NSD3: variants seen among roughly 807,000 people sequenced by gnomAD.
The protein encoded by NSD3 is nuclear receptor binding SET domain protein 3, also known as histone-lysine N-methyltransferase NSD3.
NSD3 carries 24 observed loss-of-function variants against 160.8 expected under a neutral mutation model. The ratio of observed to expected loss-of-function variants is 0.15; its 90% confidence interval spans 0.11 to 0.21. NSD3 has a LOEUF of 0.21. NSD3 is among the 10% of genes least tolerant of loss of function. The probability of loss-of-function intolerance (pLI) is 1.00; values close to 1 mark genes in which losing one functional copy is unlikely to be tolerated. For synonymous variants in NSD3, 520 were observed against 600.0 expected (o/e 0.87, Z 1.95); for missense variants, 1,157 against 1,735.9 (o/e 0.67, Z 5.93).
chr8:38,307,647 T>C (rs1809441198), intron 12 of NSD3, among the ~76,000 whole-genome samples: 1 of 152,116 alleles, frequency 6.6e-6, no homozygotes, highest in African/African-American at 2.4e-5. Flanking sequence ...TGTATTGACA[T>C]AAGAAGAGCT....
chr8:38,330,518 G>C (rs955695757), intron 5 of NSD3, among the ~76,000 whole-genome samples: 5 of 152,182 alleles, frequency 3.3e-5, no homozygotes, highest in Non-Finnish European at 5.9e-5. Context: ...GGATTGGCAA[G>C]AGGGGTAAAA....
At position 38,329,628 on chromosome 8, in the gene NSD3, C is replaced by G. The variant is rs772178242; in HGVS notation, c.1331G>C (p.Ser444Thr). The G allele has an allele frequency of 2.5e-6, 4 of 1,614,222 alleles. No homozygotes were observed. The highest frequency in any genetic ancestry group is 3.4e-6 in the Non-Finnish European group (4 of 1,180,044). ...CTGGCTATGTCTCCGAATTTCAGTACTTGAGAGTGAGGAGGCCACCTCCCC... is the reference window on the plus strand; with the variant it reads ...CTGGCTATGTCTCCGAATTTCAGTAGTTGAGAGTGAGGAGGCCACCTCCCC... ...NAGEVASSLS[S>T]TEIRRHSQRR... The change falls in exon 6 of 24, where the codon AGT (serine) becomes ACT (threonine). Residue 444 changes from serine to threonine, a missense_variant. Ser to Thr is a moderately conservative substitution (Grantham distance 58). Around this residue, in one of 10 missense-constraint regions of NSD3, gnomAD observed 168 missense variants for 208.1 expected, o/e 0.81. Transcript: ENST00000317025. The surrounding 1 kb of genome is among the most constrained non-coding windows in gnomAD (Gnocchi z 4.8).
rs193179929 is a variant in NSD3 at position 38,308,983 on chromosome 8, C to G, written c.2243-3538G>C. Among the ~76,000 whole-genome samples, 6 of 151,990 alleles carry G rather than the reference C, an allele frequency of 3.9e-5. No individual in the cohort carries two copies. In the South Asian group the frequency reaches 6.2e-4, roughly 16 times the overall value. Reference sequence around the variant, plus strand: ...CATGTGAGTGCTTTCCATACTCTTCCTTTTCACTAGGAAATGGCTTTCATT... The same window carrying G: ...CATGTGAGTGCTTTCCATACTCTTCGTTTTCACTAGGAAATGGCTTTCATT... On this transcript the variant is annotated intron_variant, in intron 12 of 23. Transcript: ENST00000317025.
intron 2 of NSD3, among the ~76,000 whole-genome samples, chr8:38,343,134 T>C (rs1361682395): frequency 6.6e-6 from 1 of 151,598 alleles, no homozygotes; most frequent in African/African-American, 2.4e-5. Context: ...AGGCAAGAGG[T>C]TGCAGTGAGC....
chr8:38,315,278 A>T, intron 11 of NSD3, 138 bp downstream of exon 11: 1 of 1,052,488 alleles, frequency 9.5e-7, no homozygotes, highest in Non-Finnish European at 1.3e-6. Context: ...AGAACCACAA[A>T]GAGGTTTTAT....
chr8:38,380,979 A>G (rs1563375201), intron 1 of NSD3, among the ~76,000 whole-genome samples: 1 of 152,104 alleles, frequency 6.6e-6, no homozygotes, highest in Non-Finnish European at 1.5e-5. Context: ...CCCTCAAAAC[A>G]GTAAAACCCA....
At chr8:38,296,727 TTC>T (rs1475535807) in intron 15 of NSD3, among the ~76,000 whole-genome samples, 1 of 150,720 alleles carries the variant, frequency 6.6e-6, no homozygotes, top group Non-Finnish European at 1.5e-5. Flanking sequence ...TGTGTGTGTA[TTC>T]TCTCTATATA....
intron 8 of NSD3, chr8:38,320,093 T>C (rs1207385185): frequency 2.6e-5 from 4 of 152,208 alleles, no homozygotes; most frequent in Non-Finnish European, 5.9e-5. Flanking sequence ...AAAGTTAATA[T>C]GATAAATGAA....
At chr8:38,278,123 A>G (rs1808649668) in intron 22 of NSD3, among the ~76,000 whole-genome samples, 183 bp downstream of exon 22, 1 of 152,016 alleles carries the variant, frequency 6.6e-6, no homozygotes, top group Non-Finnish European at 1.5e-5. Flanking sequence ...TATTTTTAGT[A>G]GAGATGGGGT....
chr8:38,281,596 G>A lies in NSD3; in HGVS notation c.3502-13C>T. On this transcript the variant is annotated splice_polypyrimidine_tract_variant and intron_variant, in intron 19 of 23. Coordinates refer to ENST00000317025, the MANE Select transcript of NSD3 (RefSeq NM_023034.2). The stretch of plus-strand genomic sequence containing the variant: ...TTACAAATTCACCCTGGAGATAAAT[G>A]TGCAATATGTAACTTAAAATCAGTG... 6.4e-7 allele frequency: 1 copy of A among 1,550,802 alleles called. No homozygotes were observed. The highest frequency in any genetic ancestry group is 8.8e-7 in the Non-Finnish European group (1 of 1,133,172).
chr8:38,316,481 T>C lies in NSD3; in HGVS notation c.1856-439A>G, dbSNP rs567561083. 9.6e-7 allele frequency: 1 copy of C among 1,045,682 alleles called. No homozygotes were observed. Among genetic ancestry groups the C allele is most frequent in the Admixed American group, 5.5e-5 (1 of 18,308 alleles). 64.8% of individuals were successfully genotyped at this position (1,045,682 alleles called of 1,614,324 possible). On this transcript the variant is annotated intron_variant, in intron 9 of 23. Coordinates refer to ENST00000317025, the MANE Select transcript of NSD3 (RefSeq NM_023034.2). The surrounding 1 kb of genome is among the most constrained non-coding windows in gnomAD (Gnocchi z 4.5). ...TTTTATTAGGGATGTGACAAATCTT[T>C]GATTTGTATTCGATTCGTACACGGA...
rs920676097 is a variant in NSD3 at position 38,270,921 on chromosome 8, C to CAA, written c.*4718_*4719dup. ...ATGCAATGGACTGACCAAAACAAAA[C>CAA]AAAAAACAGAAATGTTTTTTGAAAG... On this transcript the variant is annotated 3_prime_UTR_variant, in exon 24 of 24. Transcript: ENST00000317025. The CAA allele has an allele frequency of 6.6e-6, 1 of 152,112 alleles. No individual in the cohort carries two copies. Among genetic ancestry groups the CAA allele is most frequent in the African/African-American group, 2.4e-5 (1 of 41,422 alleles). 9.4% of individuals were successfully genotyped at this position (152,112 alleles called of 1,614,324 possible).
At chr8:38,295,702 C>G (rs1378436119) in intron 16 of NSD3, 94 bp downstream of exon 16, 1 of 1,191,442 alleles carries the variant, frequency 8.4e-7, no homozygotes, top group East Asian at 2.5e-5. Flanking sequence ...TCCATGCTGT[C>G]TACCTATCTA....
chr8:38,304,945 A>G (rs2131009594), intron 13 of NSD3, among the ~76,000 whole-genome samples, 188 bp from the exon 14 acceptor site: 1 of 152,308 alleles, frequency 6.6e-6, no homozygotes, highest in South Asian at 2.1e-4. Flanking sequence ...CCTAATAGTC[A>G]CGTAGAGATC....
chr8:38,368,843 A>G (rs938825411), intron 1 of NSD3, among the ~76,000 whole-genome samples: 1 of 152,210 alleles, frequency 6.6e-6, no homozygotes, highest in Admixed American at 6.5e-5. Context: ...AACTTTCATC[A>G]GTCATCTTGT....
chr8:38,378,532 C>T (rs1367282218), intron 1 of NSD3, among the ~76,000 whole-genome samples: 1 of 152,170 alleles, frequency 6.6e-6, no homozygotes, highest in Non-Finnish European at 1.5e-5. Flanking sequence ...GTCCCAGCTG[C>T]TCCAGAGGCT....
At chr8:38,338,800 C>T (rs1282517720) in intron 2 of NSD3, among the ~76,000 whole-genome samples, 193 bp from the exon 3 acceptor site, 1 of 152,102 alleles carries the variant, frequency 6.6e-6, no homozygotes, top group East Asian at 1.9e-4. Flanking sequence ...TCATTTTCCA[C>T]CCCATATCAT....
intron 14 of NSD3, among the ~76,000 whole-genome samples, chr8:38,301,352 C>T (rs1809270884): frequency 6.6e-6 from 1 of 152,124 alleles, no homozygotes; most frequent in South Asian, 2.1e-4. Context: ...CCGAGACAGG[C>T]GGATCAGCTG....
In NSD3 at chr8:38,316,361, C is replaced by A; in HGVS notation, c.1856-319G>T. The A allele has an allele frequency of 9.1e-7, 1 of 1,097,880 alleles. No homozygotes were observed. The highest frequency in any genetic ancestry group is 1.1e-6 in the Non-Finnish European group (1 of 895,126). The allele number at this position is 1,097,880 out of a possible 1,614,324, so 68.0% of individuals were successfully genotyped here. ...TGCAGGATAGCTGATGGATTTGGAG[C>A]AATTCAAAGAACCATTCAATTTGGA... On this transcript the variant is annotated intron_variant, in intron 9 of 23. Coordinates refer to ENST00000317025, the MANE Select transcript of NSD3 (RefSeq NM_023034.2). The surrounding 1 kb of genome is among the most constrained non-coding windows in gnomAD (Gnocchi z 4.5).
Sources: allele counts gnomAD v4.1 joint callset (sites outside exome capture counted in the v4.1 genomes callset), GRCh38; gene constraint gnomAD v4.1.1; regional missense constraint gnomAD v4.1.1; non-coding constraint Gnocchi (gnomAD v3.1); transcripts MANE v1.5; gene names NCBI Gene and HGNC (gene_info 2026-07-23, HGNC 2026-07-21).